CLIC5: variants seen among roughly 807,000 people sequenced by gnomAD.
CLIC5 encodes the protein chloride intracellular channel protein 5.
A neutral mutation model predicts 24.7 loss-of-function variants in CLIC5; 20 were observed. That is an observed-to-expected ratio of 0.81 (90% CI 0.57 to 1.18). The LOEUF (loss-of-function observed/expected upper bound fraction) is 1.18, where lower values mean the gene tolerates loss of function less well. Ranked by LOEUF, CLIC5 falls within the 50% of genes most tolerant of loss-of-function variation. CLIC5 has a pLI of 0.00. For missense variants in CLIC5, 341 were observed against 326.1 expected (o/e 1.05, Z -0.35); for synonymous variants, 159 against 135.6 (o/e 1.17, Z -1.20).
chr6:46,114,503 C>A, the CLIC5 span, among the ~76,000 whole-genome samples: 1 of 152,196 alleles, frequency 6.6e-6, no homozygotes, highest in African/African-American at 2.4e-5. Flanking sequence ...AGGTTAACTG[C>A]AGAGCATACT....
At chr6:45,922,504 TACA>T (rs1312701471) in intron 4 of CLIC5, among the ~76,000 whole-genome samples, 2 of 152,200 alleles carry the variant, frequency 1.3e-5, no homozygotes, top group Non-Finnish European at 2.9e-5. Context: ...GAAGTATTAG[TACA>T]ACAACAAAAT....
In CLIC5 at chr6:45,975,008, AT is replaced by A. The variant is rs766078924; in HGVS notation, c.64-19765del. Among the ~76,000 whole-genome samples, 15 of 152,318 alleles carry A rather than the reference AT, an allele frequency of 9.8e-5. No homozygotes were observed. In the East Asian group the frequency reaches 1.5e-3, roughly 16 times the overall value. ...TGAATTTCAGGATTACAGATAAAGA[AT>A]TGTAGACCTATATATTTCTTTAAGG... On this transcript the variant is annotated intron_variant, in intron 1 of 5. Coordinates refer to ENST00000339561, the MANE Select transcript of CLIC5 (RefSeq NM_016929.5).
At chr6:45,974,566 A>C (rs199638328) in intron 1 of CLIC5, among the ~76,000 whole-genome samples, 8 of 71,762 alleles carry the variant, frequency 1.1e-4, no homozygotes, top group East Asian at 4.0e-4. Flanking sequence ...GAGAGAGAGA[A>C]AGAGAGAGAG....
chr6:45,924,842 A>G (rs1001165580), intron 4 of CLIC5, among the ~76,000 whole-genome samples: 1 of 152,168 alleles, frequency 6.6e-6, no homozygotes, highest in Non-Finnish European at 1.5e-5. Context: ...AATTTCAGCT[A>G]CAGAAGGCCA....
Position 45,920,310 on chromosome 6 carries a change from G to T in CLIC5, c.407-5901C>A, listed in dbSNP as rs562733633. On this transcript the variant is annotated intron_variant, in intron 4 of 5. Transcript: ENST00000339561. The stretch of plus-strand genomic sequence containing the variant: ...ACTAGGGGCCAGTGCTGTCACACGG[G>T]CTGTGTGACAATGAAACATCTGGTC... 7.2e-5 allele frequency: 71 copies of T among 982,678 alleles called. 1 individual carries two copies. The South Asian group carries it at 2.5e-3, about 35-fold the overall frequency. The allele number at this position is 982,678 out of a possible 1,614,324, so 60.9% of individuals were successfully genotyped here. A position where few individuals can be genotyped will look rare whatever the true frequency, so the allele number is the denominator to read the frequency against.
At chr6:46,092,453 C>T in the CLIC5 span, among the ~76,000 whole-genome samples, 1 of 149,790 alleles carries the variant, frequency 6.7e-6, no homozygotes, top group Non-Finnish European at 1.5e-5. Flanking sequence ...AGTCAATCTA[C>T]AGACTAACCT....
At chr6:46,113,338 C>T in the CLIC5 span, among the ~76,000 whole-genome samples, 2 of 152,122 alleles carry the variant, frequency 1.3e-5, no homozygotes, top group Non-Finnish European at 2.9e-5. Context: ...AGGAAAGAAA[C>T]AGCTAGAAGG....
At chr6:45,963,663 A>AT (rs1349043235) in intron 1 of CLIC5, among the ~76,000 whole-genome samples, 2 of 152,138 alleles carry the variant, frequency 1.3e-5, no homozygotes, top group East Asian at 3.9e-4. Flanking sequence ...AAAAAAAAAA[A>AT]GTAGAAAGGA....
chr6:45,905,464 G>T (rs1762632011), intron 5 of CLIC5, among the ~76,000 whole-genome samples: 1 of 144,288 alleles, frequency 6.9e-6, no homozygotes, highest in African/African-American at 2.6e-5. Flanking sequence ...TTTCTCTGGT[G>T]ACTGGTGATA....
rs377497931 is a variant in CLIC5 at position 45,914,383 on chromosome 6, G to C, written c.433C>G (p.Leu145Val). ...TTCAGGTAGTCATCCAATTTCTTTA[G>C]AGCCTTGGTTAGGCCTCTTTCAAGA... ...AALERGLTKA[L>V]KKLDDYLNTP... The change falls in exon 5 of 6, where the codon CTA (leucine) becomes GTA (valine). Residue 145 changes from leucine (L) to valine (V), a missense_variant. Coordinates refer to ENST00000339561, the MANE Select transcript of CLIC5 (RefSeq NM_016929.5). 1.0e-5 allele frequency: 16 copies of C among 1,586,958 alleles called. No homozygotes were observed. Among genetic ancestry groups the C allele is most frequent in the Non-Finnish European group, 1.4e-5 (16 of 1,160,380 alleles).
the CLIC5 span, among the ~76,000 whole-genome samples, chr6:46,112,983 G>A: frequency 2.0e-5 from 3 of 152,146 alleles, no homozygotes; most frequent in South Asian, 2.1e-4. Flanking sequence ...TTGAACCCAG[G>A]AGGTGGAGGT....
At chr6:46,082,070 C>T (rs537546542), upstream of CLIC5, among the ~76,000 whole-genome samples, 119 of 152,186 alleles carry the variant, frequency 7.8e-4, 2 homozygotes, top group South Asian at 0.019. Context: ...CAATTTTCAC[C>T]CCTTGGGGGG....
chr6:45,905,593 C>G (rs770111003), intron 5 of CLIC5, among the ~76,000 whole-genome samples: 5 of 145,302 alleles, frequency 3.4e-5, no homozygotes, highest in Admixed American at 6.9e-5. Flanking sequence ...TTTTCTTATT[C>G]AATTGTTTAA....
intron 1 of CLIC5, among the ~76,000 whole-genome samples, chr6:46,033,151 G>A (rs1307151797): frequency 1.3e-5 from 2 of 151,868 alleles, no homozygotes; most frequent in African/African-American, 2.4e-5. Flanking sequence ...ACCACGCCCA[G>A]CTAATTTTTG....
chr6:46,046,259 T>C (rs1000312898), intron 1 of CLIC5, among the ~76,000 whole-genome samples: 3 of 152,208 alleles, frequency 2.0e-5, no homozygotes, highest in Admixed American at 6.5e-5. Flanking sequence ...ATCTCTAAGG[T>C]TCCTTTCTCC....
At chr6:46,129,603 A>G in the CLIC5 span, 1 of 152,240 alleles carries the variant, frequency 6.6e-6, no homozygotes, top group African/African-American at 2.4e-5. Flanking sequence ...AACTGGCTGA[A>G]GCTTCTCCAG....
intron 1 of CLIC5, among the ~76,000 whole-genome samples, chr6:46,075,491 G>A (rs1008949531): frequency 9.2e-5 from 14 of 152,228 alleles, no homozygotes; most frequent in South Asian, 8.3e-4. Flanking sequence ...AGGCTGAGGC[G>A]GGAGAATGGC....
chr6:45,914,826 C>T (rs1762962865), intron 4 of CLIC5, among the ~76,000 whole-genome samples: 1 of 147,944 alleles, frequency 6.8e-6, no homozygotes, highest in Non-Finnish European at 1.5e-5. Flanking sequence ...TGGCACGCGC[C>T]TGTAGTCCCA....
At chr6:45,954,980 C>T (rs1022767217) in intron 2 of CLIC5, among the ~76,000 whole-genome samples, 155 bp downstream of exon 2, 1 of 152,234 alleles carries the variant, frequency 6.6e-6, no homozygotes, top group South Asian at 2.1e-4. Flanking sequence ...TTTGCAGACT[C>T]TCTTGTAGCT....
Sources: allele counts gnomAD v4.1 joint callset (sites outside exome capture counted in the v4.1 genomes callset), GRCh38; gene constraint gnomAD v4.1.1; transcripts MANE v1.5; gene names NCBI Gene and HGNC (gene_info 2026-07-23, HGNC 2026-07-21).